ARHGAP6: variants seen among roughly 807,000 people sequenced by gnomAD.
ARHGAP6 encodes Rho GTPase activating protein 6, also known as rho GTPase-activating protein 6.
Under a neutral mutation model 55.7 loss-of-function variants are expected in ARHGAP6, and 16 were observed. The observed-to-expected ratio is 0.29, with a 90% CI of 0.19 to 0.44. The LOEUF (loss-of-function observed/expected upper bound fraction) is 0.44. Among genes scored for constraint, ARHGAP6 ranks in the 20% least tolerant of loss-of-function variants. The pLI, the probability that ARHGAP6 is intolerant of heterozygous loss-of-function variation, is 1.00. For missense variants in ARHGAP6, 698 were observed against 808.9 expected (o/e 0.86, Z 1.66); for synonymous variants, 382 against 360.9 (o/e 1.06, Z -0.66).
chrX:11,258,707 G>A (rs1299118999), intron 1 of ARHGAP6, among the ~76,000 whole-genome samples: 2 of 111,954 alleles, frequency 1.8e-5, no homozygotes, highest in Non-Finnish European at 1.9e-5. Context: ...GCAGCCCACG[G>A]TTCTTAACTT....
chrX:11,480,012 A>G (rs1226377701), intron 1 of ARHGAP6, among the ~76,000 whole-genome samples: 7 of 111,604 alleles, frequency 6.3e-5, no homozygotes, highest in Non-Finnish European at 1.3e-4. Context: ...AGTCAGGGTA[A>G]TAATGAAGGG....
chrX:11,413,046 T>G (rs940326909), intron 1 of ARHGAP6, among the ~76,000 whole-genome samples: 1 of 112,148 alleles, frequency 8.9e-6, no homozygotes, highest in Non-Finnish European at 1.9e-5. Context: ...CTGACCCGGT[T>G]TCTATTTTCA....
chrX:11,230,279 C>A (rs2047109261), intron 2 of ARHGAP6, among the ~76,000 whole-genome samples: 1 of 111,611 alleles, frequency 9.0e-6, no homozygotes. Flanking sequence ...CTCACTGCAA[C>A]CTCTGTCTCC....
intron 1 of ARHGAP6, among the ~76,000 whole-genome samples, chrX:11,564,646 C>T (rs759665777): frequency 1.3e-4 from 14 of 111,555 alleles, no homozygotes; most frequent in African/African-American, 3.3e-4. Context: ...TAGCATTCTA[C>T]GAGGAATAAA....
chrX:11,500,545 C>A (rs749468744), intron 1 of ARHGAP6, among the ~76,000 whole-genome samples: 41 of 107,698 alleles, frequency 3.8e-4, no homozygotes, highest in African/African-American at 1.4e-3. Flanking sequence ...CCTGAAATCC[C>A]AGCTACTCAG....
At chrX:11,518,704 T>C (rs1169360881) in intron 1 of ARHGAP6, among the ~76,000 whole-genome samples, 8 of 103,345 alleles carry the variant, frequency 7.7e-5, no homozygotes, top group African/African-American at 3.6e-5. Flanking sequence ...TACATATGTA[T>C]ACATGTGCCA....
At chrX:11,231,348 T>G (rs1001169175) in intron 2 of ARHGAP6, among the ~76,000 whole-genome samples, 1 of 112,149 alleles carries the variant, frequency 8.9e-6, no homozygotes, top group African/African-American at 3.2e-5. Context: ...AAATGCAAAG[T>G]AAAAGCACTA....
At chrX:11,571,759 A>G (rs193118031) in intron 1 of ARHGAP6, among the ~76,000 whole-genome samples, 3 of 104,692 alleles carry the variant, frequency 2.9e-5, no homozygotes, top group Middle Eastern at 9.8e-3. Context: ...ATAGTGCTGC[A>G]TGCCTGTGGT....
intron 1 of ARHGAP6, among the ~76,000 whole-genome samples, chrX:11,441,358 T>C (rs1043709788): frequency 8.9e-6 from 1 of 112,032 alleles, no homozygotes; most frequent in African/African-American, 3.2e-5. Flanking sequence ...TCTCCCCTGA[T>C]CAACTCTGTT....
chrX:11,456,071 A>G (rs2050191328), intron 1 of ARHGAP6, among the ~76,000 whole-genome samples: 1 of 112,201 alleles, frequency 8.9e-6, no homozygotes, highest in African/African-American at 3.2e-5. Context: ...ATAAACTTTC[A>G]GCCAGCAGTT....
intron 1 of ARHGAP6, among the ~76,000 whole-genome samples, chrX:11,416,381 C>T (rs184104146): frequency 1.8e-5 from 2 of 111,527 alleles, no homozygotes; most frequent in East Asian, 5.6e-4. Context: ...AAGTCATAAT[C>T]ATATGGTAAA....
At chrX:11,252,781 TC>T (rs2047440940) in intron 2 of ARHGAP6, among the ~76,000 whole-genome samples, 1 of 111,951 alleles carries the variant, frequency 8.9e-6, no homozygotes, top group Non-Finnish European at 1.9e-5. Context: ...TGTCATAACC[TC>T]CAATGGAGTC....
intron 1 of ARHGAP6, among the ~76,000 whole-genome samples, chrX:11,649,902 A>C (rs2052566757): frequency 9.0e-6 from 1 of 111,687 alleles, no homozygotes; most frequent in Non-Finnish European, 1.9e-5. Context: ...CATTATAAAA[A>C]TATTGCATAG....
chrX:11,607,923 G>A (rs1381363349), intron 1 of ARHGAP6, among the ~76,000 whole-genome samples: 2 of 112,045 alleles, frequency 1.8e-5, no homozygotes, highest in African/African-American at 6.5e-5. Context: ...AATCATAATT[G>A]GTTTTTCTTT....
intron 1 of ARHGAP6, among the ~76,000 whole-genome samples, chrX:11,259,818 A>G (rs1354679103): frequency 2.7e-5 from 3 of 111,187 alleles, no homozygotes; most frequent in Non-Finnish European, 5.7e-5. Flanking sequence ...TGTTCTGTGG[A>G]GGTAGAGAGA....
chrX:11,138,956 G>A lies in ARHGAP6; in HGVS notation c.2832C>T (p.Asp944=), dbSNP rs1416751800. The change falls in exon 13 of 13, where the codon GAC becomes GAT. Residue 944 remains aspartate (D), a synonymous_variant. Coordinates refer to ENST00000337414, the MANE Select transcript of ARHGAP6 (RefSeq NM_013427.3). ...CTCTCTGCCAGTCGAGCCAGCCAGC[G>A]TCCCCCAGGCGCGGACTGTCCTGCT... The part of the protein sequence containing the change: ...AGEQDSPRLG[D]AGWLDWQRER... 9.2e-6 allele frequency: 11 copies of A among 1,198,794 alleles called. No individual in the cohort carries two copies. Among genetic ancestry groups the A allele is most frequent in the South Asian group, 1.8e-5 (1 of 55,330 alleles).
rs780933990 is a variant in ARHGAP6 at position 11,254,663 on chromosome X, C to T, written c.633G>A (p.Leu211=). The T allele has an allele frequency of 1.7e-6, 2 of 1,200,578 alleles. No homozygotes were observed. Among genetic ancestry groups the T allele is most frequent in the Admixed American group, 4.5e-5 (2 of 44,530 alleles). The change falls in exon 2 of 13, where the codon CTG becomes CTA. Residue 211 remains leucine, a synonymous_variant. Coordinates refer to ENST00000337414, the MANE Select transcript of ARHGAP6 (RefSeq NM_013427.3). The part of the protein sequence containing the change: ...WNSMSGRSVR[L]RSVPIQSLSE... ...AGAGACTCTGGATGGGGACTGACCT[C>T]AGCCGTACACTGCGGCCTGACATGC...
chrX:11,186,941 G>A (rs2046393122), intron 4 of ARHGAP6, among the ~76,000 whole-genome samples: 1 of 111,097 alleles, frequency 9.0e-6, no homozygotes, highest in African/African-American at 3.3e-5. Context: ...CTGTAGGGGA[G>A]GGGGGAAATG....
chrX:11,227,961 G>A (rs1345218567), intron 2 of ARHGAP6, among the ~76,000 whole-genome samples: 1 of 110,087 alleles, frequency 9.1e-6, no homozygotes, highest in Non-Finnish European at 1.9e-5. Context: ...CAGGAATACG[G>A]AAGAGATTGT....
Sources: allele counts gnomAD v4.1 joint callset (sites outside exome capture counted in the v4.1 genomes callset), GRCh38; gene constraint gnomAD v4.1.1; transcripts MANE v1.5; gene names NCBI Gene and HGNC (gene_info 2026-07-23, HGNC 2026-07-21).